DIP2C: variants seen among roughly 807,000 people sequenced by gnomAD.
The protein encoded by DIP2C is DIP2 acetate--CoA ligase C (putative), also known as disco-interacting protein 2 homolog C.
A neutral mutation model predicts 192.4 loss-of-function variants in DIP2C; 33 were observed. The observed-to-expected ratio is 0.17, with a 90% CI of 0.13 to 0.23. DIP2C has a LOEUF of 0.23. Among genes scored for constraint, DIP2C ranks in the 10% least tolerant of loss-of-function variants. The pLI, the probability that DIP2C is intolerant of heterozygous loss-of-function variation, is 1.00. For missense variants in DIP2C, 1,537 were observed against 2,110.1 expected, an observed-to-expected ratio of 0.73 and a Z score of 5.32; for synonymous variants, 979 against 864.1, an observed-to-expected ratio of 1.13 and a Z score of -2.33.
intron 32 of DIP2C, among the ~76,000 whole-genome samples, chr10:300,564 G>C (rs918462702): frequency 6.6e-6 from 1 of 152,110 alleles, no homozygotes; most frequent in Non-Finnish European, 1.5e-5. Context: ...GAGCAGCCCT[G>C]CGTGTGTGGA....
At chr10:452,944 C>A (rs954765364) in intron 3 of DIP2C, among the ~76,000 whole-genome samples, 2 of 152,062 alleles carry the variant, frequency 1.3e-5, no homozygotes, top group Non-Finnish European at 2.9e-5. Context: ...GGCCCCAGTG[C>A]GAGGAAGGGG....
rs1226854061 is a variant in DIP2C at position 363,253 on chromosome 10, G to C, written c.2536C>G (p.Gln846Glu). ...TCCTCTTCCGTGGAGTCAGGCCTCTGCTCAGCCACGATCACGATCCTCTCG... is the reference window on the plus strand; with the variant it reads ...TCCTCTTCCGTGGAGTCAGGCCTCTCCTCAGCCACGATCACGATCCTCTCG... Reference protein sequence around the residue: ...HDERIVIVAEQRPDSTEEDSF... With the variant: ...HDERIVIVAEERPDSTEEDSF... Residue 846 changes from glutamine (Q) to glutamate (E), a missense_variant, in exon 21 of 37, where the codon CAG becomes GAG. Physicochemically the swap from Gln to Glu is conservative, Grantham distance 29 (BLOSUM62 2). Around this residue, in one of 4 missense-constraint regions of DIP2C, gnomAD observed 677 missense variants for 989.9 expected, o/e 0.68. Transcript: ENST00000280886. The surrounding 1 kb of genome is among the most constrained non-coding windows in gnomAD (Gnocchi z 5.4). The C allele has an allele frequency of 6.2e-7, 1 of 1,613,324 alleles. No homozygotes were observed. The highest frequency in any genetic ancestry group is 1.3e-5 in the African/African-American group (1 of 74,898).
In DIP2C at chr10:651,051, GC is replaced by G; in HGVS notation, c.85+38442del. On this transcript the variant is annotated intron_variant, in intron 1 of 36. Transcript: ENST00000280886. The surrounding 1 kb of genome is among the most constrained non-coding windows in gnomAD (Gnocchi z 4.1). Reference sequence around the variant, plus strand: ...TCTGCAGAAGCCCCTTTCCATCCTAGCCCCTGCCACCCCTCCTGCTCTTGTC... The same window carrying G: ...TCTGCAGAAGCCCCTTTCCATCCTAGCCCTGCCACCCCTCCTGCTCTTGTC... 2.8e-6 allele frequency: 2 copies of G among 717,326 alleles called. No individual in the cohort carries two copies. Among genetic ancestry groups the G allele is most frequent in the Middle Eastern group, 2.3e-4 (1 of 4,372 alleles). The allele number at this position is 717,326 out of a possible 1,614,324, so 44.4% of individuals were successfully genotyped here. A position where few individuals can be genotyped will look rare whatever the true frequency, so the allele number is the denominator to read the frequency against.
chr10:543,354 C>A (rs759858787), intron 1 of DIP2C, among the ~76,000 whole-genome samples: 2 of 152,238 alleles, frequency 1.3e-5, no homozygotes, highest in African/African-American at 2.4e-5. Flanking sequence ...AAATGGGTAA[C>A]CCTGTTAGGA....
In DIP2C at chr10:314,051, G is replaced by A. The variant is rs535349239; in HGVS notation, c.3925-3959C>T. ...GTACACTAGGTAAGTCTGAGAAGAC[G>A]AGAAAAGGTTTGGGTTGTATGTCTC... On this transcript the variant is annotated intron_variant, in intron 31 of 36. Coordinates refer to ENST00000280886, the MANE Select transcript of DIP2C (RefSeq NM_014974.3). Among the ~76,000 whole-genome samples the A allele has an allele frequency of 6.6e-5, 10 of 152,306 alleles. No individual in the cohort carries two copies. In the South Asian group the frequency reaches 1.5e-3, roughly 22 times the overall value.
intron 19 of DIP2C, 92 bp from the exon 20 acceptor site, chr10:364,674 CT>C: frequency 7.2e-7 from 1 of 1,398,090 alleles, no homozygotes; most frequent in Non-Finnish European, 9.8e-7. Flanking sequence ...ACCTGCTTTG[CT>C]TAAGCTCTGC....
chr10:396,786 G>A (rs556418997), intron 10 of DIP2C, among the ~76,000 whole-genome samples: 1 of 149,582 alleles, frequency 6.7e-6, no homozygotes, highest in Non-Finnish European at 1.5e-5. Flanking sequence ...GGAAGTCTGA[G>A]CTGTCTGATG....
intron 24 of DIP2C, among the ~76,000 whole-genome samples, chr10:351,340 T>A (rs1451030527): frequency 6.6e-6 from 1 of 152,178 alleles, no homozygotes; most frequent in African/African-American, 2.4e-5. Flanking sequence ...CACCTGACCC[T>A]GACCTCTACC....
intron 2 of DIP2C, among the ~76,000 whole-genome samples, chr10:477,818 CAAGAG>C (rs1249206097): frequency 1.4e-4 from 17 of 117,936 alleles, no homozygotes; most frequent in African/African-American, 4.6e-4. Flanking sequence ...AGAAGGAAAA[CAAGAG>C]AGAAGGAGAA....
intron 36 of DIP2C, 137 bp downstream of exon 36, chr10:281,063 G>T: frequency 8.0e-7 from 1 of 1,257,280 alleles, no homozygotes; most frequent in African/African-American, 1.5e-5. Context: ...AAAAGATAAA[G>T]ATTTATAGTC....
intron 1 of DIP2C, among the ~76,000 whole-genome samples, chr10:590,871 G>GGA (rs1201178609): frequency 6.6e-6 from 1 of 152,184 alleles, no homozygotes; most frequent in East Asian, 1.9e-4. Context: ...CCCTCCAGCA[G>GGA]GAGTCCAGGA....
intron 1 of DIP2C, among the ~76,000 whole-genome samples, chr10:524,700 T>C (rs1393159865): frequency 2.0e-5 from 3 of 152,242 alleles, no homozygotes; most frequent in Non-Finnish European, 2.9e-5. Context: ...TCGCAATTTC[T>C]TATTTCAAAT....
At chr10:494,305 A>G (rs1441517151) in intron 1 of DIP2C, among the ~76,000 whole-genome samples, 2 of 152,230 alleles carry the variant, frequency 1.3e-5, no homozygotes, top group Non-Finnish European at 2.9e-5. Flanking sequence ...CTCTGTCAAC[A>G]GAGCTCCATG....
intron 1 of DIP2C, among the ~76,000 whole-genome samples, chr10:577,794 GTT>G (rs1850262745): frequency 1.3e-5 from 2 of 150,914 alleles, no homozygotes; most frequent in Admixed American, 1.3e-4. Flanking sequence ...ACCCAGAGAT[GTT>G]TTGTTTTGTT....
chr10:621,484 A>AAT (rs1853845824), intron 1 of DIP2C, among the ~76,000 whole-genome samples: 1 of 152,116 alleles, frequency 6.6e-6, no homozygotes, highest in South Asian at 2.1e-4. Flanking sequence ...AGTCTATGCC[A>AAT]ATATGAGCAC....
intron 29 of DIP2C, among the ~76,000 whole-genome samples, chr10:334,976 T>A (rs1361091216): frequency 6.6e-6 from 1 of 152,164 alleles, no homozygotes; most frequent in African/African-American, 2.4e-5. Context: ...CCCCAAAAAA[T>A]AGCCTGCCAA....
intron 2 of DIP2C, chr10:484,904 C>T (rs1370781912): frequency 1.2e-6 from 2 of 1,611,802 alleles, no homozygotes; most frequent in Admixed American, 1.7e-5. Context: ...GGCGCTCCTT[C>T]ACTGTGCTGC....
intron 1 of DIP2C, among the ~76,000 whole-genome samples, chr10:600,454 G>A (rs1851983013): frequency 6.7e-6 from 1 of 150,264 alleles, no homozygotes; most frequent in Non-Finnish European, 1.5e-5. Flanking sequence ...ATGCTCCGGA[G>A]CCACCCGACA....
intron 1 of DIP2C, among the ~76,000 whole-genome samples, chr10:499,652 G>C (rs1845089547): frequency 6.6e-6 from 1 of 152,180 alleles, no homozygotes; most frequent in Non-Finnish European, 1.5e-5. Context: ...GATCTCGTGA[G>C]ATCTCCCAAT....
Sources: allele counts gnomAD v4.1 joint callset (sites outside exome capture counted in the v4.1 genomes callset), GRCh38; gene constraint gnomAD v4.1.1; regional missense constraint gnomAD v4.1.1; non-coding constraint Gnocchi (gnomAD v3.1); transcripts MANE v1.5; gene names NCBI Gene and HGNC (gene_info 2026-07-23, HGNC 2026-07-21).